Variants in NOX4 observed in about 807,000 individuals in gnomAD.
NOX4 encodes the protein NADPH oxidase 4, also known as kidney oxidase-1.
A neutral mutation model predicts 87.6 loss-of-function variants in NOX4; 69 were observed. The ratio of observed to expected loss-of-function variants is 0.79; its 90% confidence interval spans 0.65 to 0.96. The LOEUF (loss-of-function observed/expected upper bound fraction) is 0.96, where lower values mean the gene tolerates loss of function less well. Among genes scored for constraint, NOX4 ranks in the 40% least tolerant of loss-of-function variants. NOX4 has a pLI of 0.00. For synonymous variants in NOX4, 275 were observed against 238.2 expected (o/e 1.15, Z -1.42); for missense variants, 680 against 681.5 (o/e 1.00, Z 0.02).
chr11:89,508,726 G>C, the NOX4 span, among the ~76,000 whole-genome samples: 1 of 152,064 alleles, frequency 6.6e-6, no homozygotes, highest in Non-Finnish European at 1.5e-5. Context: ...GGCCAGGCCT[G>C]TTCTCAATGC....
intron 17 of NOX4, among the ~76,000 whole-genome samples, chr11:89,331,791 G>A (rs1565166926): frequency 6.6e-6 from 1 of 151,350 alleles, no homozygotes; most frequent in Non-Finnish European, 1.5e-5. Flanking sequence ...TGATTTTTGT[G>A]TTTCTTTAAC....
At chr11:89,493,913 C>T (rs1946919908), upstream of NOX4, among the ~76,000 whole-genome samples, 1 of 152,052 alleles carries the variant, frequency 6.6e-6, no homozygotes, top group African/African-American at 2.4e-5. Context: ...TGCCAACCCG[C>T]CCAGCTAATT....
intron 11 of NOX4, among the ~76,000 whole-genome samples, chr11:89,394,173 G>A (rs1216383573): frequency 6.6e-6 from 1 of 152,118 alleles, no homozygotes; most frequent in Non-Finnish European, 1.5e-5. Flanking sequence ...TGATCTAGAA[G>A]CCTCTCTTCA....
chr11:89,445,585 C>G (rs897714551), intron 4 of NOX4, among the ~76,000 whole-genome samples: 1 of 152,080 alleles, frequency 6.6e-6, no homozygotes, highest in African/African-American at 2.4e-5. Flanking sequence ...GTCAATTGAT[C>G]TTTGGCAAAA....
At chr11:89,552,277 G>A in the NOX4 span, among the ~76,000 whole-genome samples, 2 of 152,114 alleles carry the variant, frequency 1.3e-5, no homozygotes, top group Non-Finnish European at 2.9e-5. Flanking sequence ...TGTCAGATCT[G>A]GGACTTGAAT....
rs1172519083 is a variant in NOX4, at chr11:89,326,678, G to A, written c.*78C>T. On this transcript the variant is annotated 3_prime_UTR_variant, in exon 18 of 18. Coordinates refer to ENST00000263317, the MANE Select transcript of NOX4 (RefSeq NM_016931.5). The stretch of plus-strand genomic sequence containing the variant: ...TACTATTCTTTGGCATAACACAGCT[G>A]ATTGATTCCGCTGAGTTTCAAAGTC... 2 of 1,285,228 alleles carry A rather than the reference G, an allele frequency of 1.6e-6. No homozygotes were observed. The highest frequency in any genetic ancestry group is 4.7e-5 in the East Asian group (2 of 42,256). 79.6% of individuals were successfully genotyped at this position (1,285,228 alleles called of 1,614,324 possible). A position where few individuals can be genotyped will look rare whatever the true frequency, so the allele number is the denominator to read the frequency against.
intron 6 of NOX4, among the ~76,000 whole-genome samples, chr11:89,434,491 G>T (rs1416730213): frequency 6.6e-6 from 1 of 151,880 alleles, no homozygotes; most frequent in African/African-American, 2.4e-5. Flanking sequence ...CTTCCCAGTT[G>T]TAAGAGATGG....
chr11:89,404,440 T>C (rs1473799068), intron 8 of NOX4, among the ~76,000 whole-genome samples: 1 of 152,180 alleles, frequency 6.6e-6, no homozygotes, highest in Admixed American at 6.6e-5. Flanking sequence ...GTTTGGAAGA[T>C]ATCTTCAAAG....
chr11:89,386,234 C>A (rs531117727), intron 11 of NOX4, among the ~76,000 whole-genome samples: 1 of 152,268 alleles, frequency 6.6e-6, no homozygotes, highest in East Asian at 1.9e-4. Context: ...ACCAGCCCAA[C>A]TTGAACCACA....
At chr11:89,420,870 C>T (rs1016601843) in intron 8 of NOX4, among the ~76,000 whole-genome samples, 7 of 152,066 alleles carry the variant, frequency 4.6e-5, no homozygotes, top group Admixed American at 3.3e-4. Flanking sequence ...ACTATGAAAT[C>T]ATTTTGGACC....
chr11:89,452,095 C>T (rs1944987476), intron 2 of NOX4, among the ~76,000 whole-genome samples, 200 bp from the exon 3 acceptor site: 1 of 152,184 alleles, frequency 6.6e-6, no homozygotes, highest in Non-Finnish European at 1.5e-5. Flanking sequence ...TGCACTGCCA[C>T]AAAACTTAGT....
chr11:89,431,460 C>T (rs1275233308), intron 7 of NOX4, among the ~76,000 whole-genome samples: 2 of 152,084 alleles, frequency 1.3e-5, no homozygotes, highest in African/African-American at 2.4e-5. Context: ...ACCTATCTGA[C>T]AAAGGGCTAA....
intron 2 of NOX4, among the ~76,000 whole-genome samples, chr11:89,468,475 A>G (rs1233898953): frequency 1.3e-5 from 2 of 152,168 alleles, no homozygotes; most frequent in East Asian, 3.9e-4. Context: ...GTTACTACGG[A>G]TGCTATCTGC....
chr11:89,573,317 A>C, the NOX4 span, among the ~76,000 whole-genome samples: 2,454 of 152,250 alleles, frequency 0.016, 72 homozygotes, highest in African/African-American at 0.056. Flanking sequence ...GCAGCAGATC[A>C]CAAGCTCAGG....
chr11:89,520,470 T>G, the NOX4 span, among the ~76,000 whole-genome samples: 1 of 152,128 alleles, frequency 6.6e-6, no homozygotes, highest in Non-Finnish European at 1.5e-5. Flanking sequence ...AAATGTAGTA[T>G]GAAGATGTTT....
Position 89,455,719 on chromosome 11 carries a change from CATATAT to C in NOX4, c.154-3830_154-3825del, listed in dbSNP as rs60864771. On this transcript the variant is annotated intron_variant, in intron 2 of 17. Transcript: ENST00000263317. ...CCCACTGTTATCAAGAAGATGAAGT[CATATAT>C]ATATATATATATATATATATGAAAC... is the stretch of plus-strand genomic sequence containing the variant. Among the ~76,000 whole-genome samples the C allele has an allele frequency of 5.1e-3, 724 of 140,866 alleles. 5 individuals carry two copies. The highest frequency in any genetic ancestry group is 0.015 in the African/African-American group (559 of 37,230). The allele number at this position is 140,866 out of a possible 152,430, so 92.4% of individuals were successfully genotyped here.
chr11:89,348,339 T>A (rs1565183768), intron 13 of NOX4, among the ~76,000 whole-genome samples: 1 of 151,828 alleles, frequency 6.6e-6, no homozygotes, highest in Non-Finnish European at 1.5e-5. Flanking sequence ...TTCTTGAATC[T>A]GGGAGGCAGA....
intron 9 of NOX4, among the ~76,000 whole-genome samples, chr11:89,401,317 G>C (rs1422803247): frequency 6.6e-6 from 1 of 151,998 alleles, no homozygotes; most frequent in African/African-American, 2.4e-5. Flanking sequence ...TTGAGTGTCA[G>C]GTCCCACATG....
intron 2 of NOX4, among the ~76,000 whole-genome samples, chr11:89,476,551 T>TA (rs5793405): frequency 4.6e-5 from 7 of 151,890 alleles, no homozygotes; most frequent in Non-Finnish European, 7.4e-5. Context: ...AACAAGTAAC[T>TA]AAAAAAATGC....
Sources: gnomAD v4.1 joint callset for allele counts (sites outside exome capture counted in the v4.1 genomes callset) on GRCh38, gnomAD v4.1.1 for gene constraint, MANE v1.5 for transcripts, NCBI Gene and HGNC (gene_info 2026-07-23, HGNC 2026-07-21) for gene names.